The following RARB variants were observed in gnomAD, a reference collection of about 807,000 sequenced individuals.
RARB encodes retinoic acid receptor beta.
RARB carries 17 observed loss-of-function variants against 51.9 expected under a neutral mutation model. That is an observed-to-expected ratio of 0.33 (90% confidence interval 0.22 to 0.49). RARB has a LOEUF of 0.49. RARB is among the 20% of genes least tolerant of loss of function. RARB has a pLI of 0.99. For missense variants in RARB, 369 were observed against 550.8 expected, an observed-to-expected ratio of 0.67 and a Z score of 3.30; for synonymous variants, 215 against 195.4, an observed-to-expected ratio of 1.10 and a Z score of -0.84.
intron 1 of RARB, among the ~76,000 whole-genome samples, chr3:25,451,913 C>CT (rs1406947611): frequency 6.6e-6 from 1 of 152,090 alleles, no homozygotes; most frequent in East Asian, 1.9e-4. Flanking sequence ...GTGATAGTTC[C>CT]TTTTGTAAAT....
intron 5 of RARB, among the ~76,000 whole-genome samples, chr3:25,250,348 A>G (rs1702681672): frequency 6.6e-6 from 1 of 152,148 alleles, no homozygotes; most frequent in Non-Finnish European, 1.5e-5. Flanking sequence ...GGGATAGGGT[A>G]ATTCCCAGGA....
intron 5 of RARB, among the ~76,000 whole-genome samples, chr3:25,359,367 C>CT (rs760844236): frequency 1.9e-4 from 29 of 150,610 alleles, no homozygotes; most frequent in Admixed American, 7.9e-4. Context: ...TCATTCTTCT[C>CT]TTTTTATTAG....
chr3:24,930,381 A>G (rs893135231), intron 2 of RARB, among the ~76,000 whole-genome samples: 2 of 152,034 alleles, frequency 1.3e-5, no homozygotes, highest in Non-Finnish European at 2.9e-5. Context: ...ACTGCAAAAT[A>G]TGGTTATACC....
chr3:25,008,545 G>T (rs1697324059), intron 2 of RARB, among the ~76,000 whole-genome samples: 1 of 152,100 alleles, frequency 6.6e-6, no homozygotes, highest in African/African-American at 2.4e-5. Context: ...CCTTGACAGG[G>T]AAATTGGTGT....
chr3:25,209,129 G>A (rs142843460), intron 5 of RARB, among the ~76,000 whole-genome samples: 1 of 152,326 alleles, frequency 6.6e-6, no homozygotes, highest in African/African-American at 2.4e-5. Context: ...ACAGACCACA[G>A]TTTAGTCAAA....
chr3:25,538,427 G>A (rs1468340890), intron 3 of RARB, among the ~76,000 whole-genome samples: 2 of 152,070 alleles, frequency 1.3e-5, no homozygotes, highest in East Asian at 3.9e-4. Flanking sequence ...TCTTATAATT[G>A]TGATTTTTAA....
At chr3:24,988,056 A>G (rs924625365) in intron 2 of RARB, among the ~76,000 whole-genome samples, 8 of 152,268 alleles carry the variant, frequency 5.3e-5, no homozygotes, top group African/African-American at 1.9e-4. Context: ...TTTAGAATGA[A>G]CACATGGTTG....
intron 5 of RARB, among the ~76,000 whole-genome samples, chr3:25,252,773 A>G (rs1276577077): frequency 6.6e-6 from 1 of 152,156 alleles, no homozygotes; most frequent in Non-Finnish European, 1.5e-5. Flanking sequence ...AAATTTATCT[A>G]TATCCCCTTT....
chr3:25,018,983 C>T (rs1559435759), intron 2 of RARB, among the ~76,000 whole-genome samples: 2 of 152,164 alleles, frequency 1.3e-5, no homozygotes, highest in African/African-American at 4.8e-5. Flanking sequence ...AGGATGTTCA[C>T]ATTTGTGATT....
At chr3:24,998,271 T>C (rs1385068531) in intron 2 of RARB, among the ~76,000 whole-genome samples, 1 of 138,574 alleles carries the variant, frequency 7.2e-6, no homozygotes, top group African/African-American at 2.5e-5. Context: ...TTTTGACTTG[T>C]AGTTTGTTTT....
In RARB at chr3:24,922,941, A is replaced by C. The variant is rs534244948; in HGVS notation, c.-380+64189A>C. On this transcript the variant is annotated intron_variant, in intron 2 of 11. Transcript: ENST00000383772. Reference sequence around the variant, plus strand: ...TAGAGAAGACTACATTTATGAGAAAAGTAATTACGAATCAAAAAGTTTAAA... The same window carrying C: ...TAGAGAAGACTACATTTATGAGAAACGTAATTACGAATCAAAAAGTTTAAA... Among the ~76,000 whole-genome samples, 452 of 152,290 alleles carry C rather than the reference A, an allele frequency of 3.0e-3. 3 individuals carry two copies. The highest frequency in any genetic ancestry group is 0.01 in the African/African-American group (433 of 41,574).
chr3:25,359,255 A>G (rs1253477811), intron 5 of RARB, among the ~76,000 whole-genome samples: 1 of 152,126 alleles, frequency 6.6e-6, no homozygotes, highest in Non-Finnish European at 1.5e-5. Context: ...TAGATTTTCT[A>G]GCTTATTTGC....
chr3:25,247,167 T>TC (rs903307789), intron 5 of RARB, among the ~76,000 whole-genome samples: 1 of 152,146 alleles, frequency 6.6e-6, no homozygotes, highest in Non-Finnish European at 1.5e-5. Flanking sequence ...CAGATGCCCT[T>TC]CCCCCACCAA....
chr3:24,936,298 T>C (rs1023270967), intron 2 of RARB, among the ~76,000 whole-genome samples: 1 of 152,150 alleles, frequency 6.6e-6, no homozygotes, highest in East Asian at 1.9e-4. Context: ...AGAAGAGTTT[T>C]CTAAATTTTA....
At chr3:25,179,991 C>T (rs1009533818) in intron 5 of RARB, among the ~76,000 whole-genome samples, 1 of 152,000 alleles carries the variant, frequency 6.6e-6, no homozygotes, top group African/African-American at 2.4e-5. Context: ...TGATCTTTAC[C>T]CCCAAAGGGA....
At chr3:25,585,502 A>T (rs1559480304) in intron 5 of RARB, among the ~76,000 whole-genome samples, 2 of 152,210 alleles carry the variant, frequency 1.3e-5, no homozygotes, top group African/African-American at 4.8e-5. Context: ...TAAGTGCTGT[A>T]TTTTTTACAA....
intron 2 of RARB, among the ~76,000 whole-genome samples, chr3:24,876,901 C>T (rs1324416133): frequency 6.6e-6 from 1 of 152,020 alleles, no homozygotes; most frequent in Non-Finnish European, 1.5e-5. Flanking sequence ...TACTCAGAAG[C>T]AAAACAGATT....
chr3:25,361,542 C>G (rs1575342336), intron 5 of RARB, among the ~76,000 whole-genome samples: 1 of 152,144 alleles, frequency 6.6e-6, no homozygotes, highest in South Asian at 2.1e-4. Context: ...GAGTTGTGAT[C>G]CTTTGGAGGA....
At chr3:25,112,941 A>G (rs1294187188) in intron 3 of RARB, among the ~76,000 whole-genome samples, 1 of 151,928 alleles carries the variant, frequency 6.6e-6, no homozygotes, top group East Asian at 1.9e-4. Context: ...TTTTTTCTGA[A>G]TTTTCGGGTA....
Sources: gnomAD v4.1 joint callset for allele counts (sites outside exome capture counted in the v4.1 genomes callset) on GRCh38, gnomAD v4.1.1 for gene constraint, MANE v1.5 for transcripts, NCBI Gene and HGNC (gene_info 2026-07-23, HGNC 2026-07-21) for gene names.